Variants in MEF2A observed in about 807,000 individuals in gnomAD.
MEF2A encodes the protein myocyte-specific enhancer factor 2A.
A neutral mutation model predicts 55.8 loss-of-function variants in MEF2A; 28 were observed. The ratio of observed to expected loss-of-function variants is 0.50; its 90% CI spans 0.37 to 0.69. MEF2A has a LOEUF of 0.69. MEF2A is among the 30% of genes least tolerant of loss of function. The pLI, the probability that MEF2A is intolerant of heterozygous loss-of-function variation, is 0.00. For synonymous variants in MEF2A, 239 were observed against 227.1 expected (o/e 1.05, Z -0.47); for missense variants, 528 against 626.2 (o/e 0.84, Z 1.67).
chr15:99,629,200 C>T (rs1212870569), intron 2 of MEF2A, among the ~76,000 whole-genome samples: 6 of 152,036 alleles, frequency 3.9e-5, no homozygotes, highest in African/African-American at 1.4e-4. Context: ...TTTGGGAGGC[C>T]GAGGCGGGTG....
chr15:99,700,185 TATACACACACACAC>T (rs1365339329), intron 8 of MEF2A, among the ~76,000 whole-genome samples: 18 of 100,396 alleles, frequency 1.8e-4, no homozygotes, highest in South Asian at 5.3e-4. Flanking sequence ...TGTGTGTATA[TATACACACACACAC>T]ACACACACAC....
At chr15:99,571,378 G>A (rs188701968) in intron 1 of MEF2A, among the ~76,000 whole-genome samples, 1 of 152,284 alleles carries the variant, frequency 6.6e-6, no homozygotes, top group Non-Finnish European at 1.5e-5. Context: ...TAAATGAGGT[G>A]TGTATTATAA....
At chr15:99,710,430 A>G (rs2058509168) in intron 10 of MEF2A, among the ~76,000 whole-genome samples, 1 of 152,156 alleles carries the variant, frequency 6.6e-6, no homozygotes, top group South Asian at 2.1e-4. Flanking sequence ...TTTAGCAGAT[A>G]CGGGGTTTCA....
At chr15:99,618,417 G>A (rs2040565517) in intron 2 of MEF2A, among the ~76,000 whole-genome samples, 1 of 152,172 alleles carries the variant, frequency 6.6e-6, no homozygotes, top group African/African-American at 2.4e-5. Context: ...TCCTGTTACT[G>A]AAGAGGGTAA....
intron 3 of MEF2A, among the ~76,000 whole-genome samples, chr15:99,635,695 T>C (rs1234154166): frequency 2.0e-5 from 3 of 152,204 alleles, no homozygotes; most frequent in Admixed American, 6.5e-5. Flanking sequence ...GTGTCTTCTT[T>C]CGCACAATAT....
intron 2 of MEF2A, among the ~76,000 whole-genome samples, chr15:99,612,256 A>T (rs554785770): frequency 3.9e-5 from 6 of 152,026 alleles, no homozygotes; most frequent in African/African-American, 1.4e-4. Context: ...TCTACTAAAA[A>T]CTACAAAAAA....
chr15:99,590,489 G>C (rs1968893913), intron 1 of MEF2A, among the ~76,000 whole-genome samples: 1 of 149,142 alleles, frequency 6.7e-6, no homozygotes, highest in Non-Finnish European at 1.5e-5. Flanking sequence ...TATATTTACT[G>C]TAATTATTGA....
Position 99,594,166 on chromosome 15 carries a change from C to T in MEF2A, c.-224-4264C>T, listed in dbSNP as rs570623909. On this transcript the variant is annotated intron_variant, in intron 1 of 11. Transcript: ENST00000557942. ...CCACTTCAGATGCCAACTACAAGTC[C>T]CTGGTTGTGATCAGTACTTCTGATC... Among the ~76,000 whole-genome samples the T allele has an allele frequency of 5.9e-5, 9 of 152,284 alleles. 1 individual carries two copies. The South Asian group carries it at 1.7e-3, about 28-fold the overall frequency.
intron 1 of MEF2A, among the ~76,000 whole-genome samples, chr15:99,579,971 C>T (rs958932809): frequency 2.0e-5 from 3 of 151,982 alleles, no homozygotes; most frequent in Admixed American, 6.6e-5. Context: ...TGTTTCGGTG[C>T]GCCTCTTTAT....
intron 8 of MEF2A, 126 bp downstream of exon 8, chr15:99,690,554 A>G: frequency 2.3e-6 from 2 of 862,102 alleles, no homozygotes; most frequent in Non-Finnish European, 3.8e-6. Context: ...AAATATTTCC[A>G]TTCAAAATTA....
At chr15:99,636,680 G>C (rs2043911019) in intron 3 of MEF2A, among the ~76,000 whole-genome samples, 1 of 152,142 alleles carries the variant, frequency 6.6e-6, no homozygotes. Context: ...ATATTTTAAT[G>C]GTTTCCCATT....
intron 7 of MEF2A, among the ~76,000 whole-genome samples, chr15:99,682,131 A>G (rs2053362838): frequency 6.6e-6 from 1 of 152,208 alleles, no homozygotes; most frequent in Non-Finnish European, 1.5e-5. Context: ...GTTTAACCCT[A>G]GAAGAGTAGT....
intron 2 of MEF2A, among the ~76,000 whole-genome samples, chr15:99,626,924 G>C (rs1461893098): frequency 6.6e-6 from 1 of 152,114 alleles, no homozygotes; most frequent in African/African-American, 2.4e-5. Flanking sequence ...CAAGGAATTG[G>C]GAAATGGAAG....
intron 2 of MEF2A, among the ~76,000 whole-genome samples, chr15:99,614,939 A>G (rs2039942825): frequency 6.6e-6 from 1 of 152,202 alleles, no homozygotes; most frequent in South Asian, 2.1e-4. Context: ...AGGATAAGGC[A>G]GAGCCTTACA....
At chr15:99,601,306 T>TG (rs1311213236) in intron 2 of MEF2A, among the ~76,000 whole-genome samples, 1 of 152,202 alleles carries the variant, frequency 6.6e-6, no homozygotes, top group African/African-American at 2.4e-5. Flanking sequence ...AAATCATCTG[T>TG]GTAGATCATT....
At chr15:99,662,475 C>G (rs1170007400) in intron 4 of MEF2A, among the ~76,000 whole-genome samples, 1 of 150,840 alleles carries the variant, frequency 6.6e-6, no homozygotes, top group Non-Finnish European at 1.5e-5. Flanking sequence ...TTTCTTTTTT[C>G]CTCTTTTTTT....
At chr15:99,637,394 T>C (rs979224497) in intron 3 of MEF2A, among the ~76,000 whole-genome samples, 1 of 152,230 alleles carries the variant, frequency 6.6e-6, no homozygotes, top group Non-Finnish European at 1.5e-5. Context: ...ATTTTTGTTA[T>C]ATTTATTAGT....
intron 8 of MEF2A, among the ~76,000 whole-genome samples, chr15:99,701,968 T>A (rs778769525): frequency 4.6e-5 from 7 of 152,218 alleles, no homozygotes; most frequent in Non-Finnish European, 7.3e-5. Flanking sequence ...TGTCTGATTG[T>A]TAGGAGAGCA....
At position 99,625,762 on chromosome 15, in the gene MEF2A, T is replaced by C. The variant is rs536592823; in HGVS notation, c.-142-7216T>C. On this transcript the variant is annotated intron_variant, in intron 2 of 11. Transcript: ENST00000557942. ...TTTTTTTTCCCTCTTTATTCTCTTATGTGGTGTGTCACATTGATTTTAGTA... is the reference window on the plus strand; with the variant it reads ...TTTTTTTTCCCTCTTTATTCTCTTACGTGGTGTGTCACATTGATTTTAGTA... 1.6e-3 allele frequency among the ~76,000 whole-genome samples: 237 copies of C among 152,274 alleles called. 2 individuals are homozygous for C. The highest frequency in any genetic ancestry group is 6.8e-3 in the Middle Eastern group (2 of 294).
Sources: allele counts gnomAD v4.1 joint callset (sites outside exome capture counted in the v4.1 genomes callset), GRCh38; gene constraint gnomAD v4.1.1; transcripts MANE v1.5; gene names NCBI Gene and HGNC (gene_info 2026-07-23, HGNC 2026-07-21).